Variants in PTPRD observed in about 807,000 individuals in gnomAD.
The protein encoded by PTPRD is protein tyrosine phosphatase receptor type D, also known as receptor-type tyrosine-protein phosphatase delta.
A neutral mutation model predicts 214.5 loss-of-function variants in PTPRD; 34 were observed. The ratio of observed to expected loss-of-function variants is 0.16; its 90% CI spans 0.12 to 0.21. PTPRD has a LOEUF of 0.21. Ranked by LOEUF, PTPRD falls within the 10% of genes least tolerant of loss-of-function variation. PTPRD has a pLI of 1.00. For missense variants in PTPRD, 2,545 were observed against 2,398.7 expected (o/e 1.06, Z -1.27); for synonymous variants, 1,128 against 845.7 (o/e 1.33, Z -5.79).
At chr9:9,165,348 T>G (rs1437069429) in intron 10 of PTPRD, among the ~76,000 whole-genome samples, 1 of 152,194 alleles carries the variant, frequency 6.6e-6, no homozygotes, top group Non-Finnish European at 1.5e-5. Context: ...AGAGTTTTTA[T>G]GTAAGGCATT....
chr9:10,523,007 A>T (rs2052883859), intron 2 of PTPRD, among the ~76,000 whole-genome samples: 2 of 152,156 alleles, frequency 1.3e-5, no homozygotes, highest in Non-Finnish European at 2.9e-5. Flanking sequence ...GTTTACAATC[A>T]ATTTTTTGAT....
chr9:8,684,437 C>A (rs1222012336), intron 12 of PTPRD, among the ~76,000 whole-genome samples: 1 of 151,878 alleles, frequency 6.6e-6, no homozygotes, highest in Non-Finnish European at 1.5e-5. Context: ...CCTCTGACTG[C>A]AAACCCCATG....
chr9:10,210,987 A>T (rs2099514561), intron 3 of PTPRD, among the ~76,000 whole-genome samples: 1 of 151,362 alleles, frequency 6.6e-6, no homozygotes, highest in African/African-American at 2.4e-5. Context: ...AAAAGGGTAC[A>T]CATTTTTGTG....
intron 7 of PTPRD, among the ~76,000 whole-genome samples, chr9:9,611,725 G>A (rs1678937529): frequency 6.6e-6 from 1 of 152,064 alleles, no homozygotes; most frequent in Non-Finnish European, 1.5e-5. Flanking sequence ...GATGACACAT[G>A]TATATTTATT....
intron 11 of PTPRD, among the ~76,000 whole-genome samples, chr9:8,824,810 T>A (rs549361162): frequency 2.0e-5 from 3 of 152,316 alleles, no homozygotes; most frequent in East Asian, 3.9e-4. Flanking sequence ...TTGCTGAAAT[T>A]GCAGAAATAA....
intron 10 of PTPRD, among the ~76,000 whole-genome samples, chr9:9,153,690 T>A (rs916333875): frequency 6.6e-6 from 1 of 152,184 alleles, no homozygotes; most frequent in Non-Finnish European, 1.5e-5. Flanking sequence ...TAATATGAAA[T>A]ATATTTGGTA....
chr9:8,467,128 C>A (rs780549315), intron 31 of PTPRD, among the ~76,000 whole-genome samples: 2 of 151,936 alleles, frequency 1.3e-5, no homozygotes. Context: ...TAATTTATAA[C>A]GTGCTAAAAT....
chr9:8,655,360 G>T (rs1164709807), intron 12 of PTPRD, among the ~76,000 whole-genome samples: 3 of 152,162 alleles, frequency 2.0e-5, no homozygotes, highest in African/African-American at 4.8e-5. Flanking sequence ...GATGTGTCTT[G>T]TTTTGTGGCC....
intron 2 of PTPRD, among the ~76,000 whole-genome samples, chr9:10,341,590 TGGTCA>T (rs964945447): frequency 6.6e-6 from 1 of 151,948 alleles, no homozygotes; most frequent in African/African-American, 2.4e-5. Context: ...TATTGTAGAA[TGGTCA>T]GTATGCAAAA....
intron 2 of PTPRD, among the ~76,000 whole-genome samples, chr9:10,346,870 G>T (rs2097093439): frequency 6.6e-6 from 1 of 152,162 alleles, no homozygotes; most frequent in Non-Finnish European, 1.5e-5. Flanking sequence ...TCATAGCTCT[G>T]AGTAATCTTA....
chr9:8,956,752 A>G (rs575942949), intron 11 of PTPRD, among the ~76,000 whole-genome samples: 6 of 151,958 alleles, frequency 3.9e-5, no homozygotes, highest in South Asian at 2.1e-4. Context: ...AAAAATCCCA[A>G]TAAAATATAC....
chr9:9,979,788 G>A (rs527733400), intron 4 of PTPRD, among the ~76,000 whole-genome samples: 2 of 152,160 alleles, frequency 1.3e-5, no homozygotes, highest in East Asian at 1.9e-4. Context: ...GTATTAAAGA[G>A]TATAGAATGA....
At chr9:9,848,472 C>T (rs2059949428) in intron 5 of PTPRD, among the ~76,000 whole-genome samples, 1 of 152,052 alleles carries the variant, frequency 6.6e-6, no homozygotes, top group African/African-American at 2.4e-5. Flanking sequence ...TAAGCATTTA[C>T]ATGGCTTATT....
intron 22 of PTPRD, 112 bp from the exon 23 acceptor site, chr9:8,504,517 A>G: frequency 8.2e-7 from 1 of 1,223,902 alleles, no homozygotes. Flanking sequence ...TCTCATCAAA[A>G]TATCACCAAA....
chr9:8,373,074 T>C (rs767110537), intron 39 of PTPRD, among the ~76,000 whole-genome samples: 5 of 152,072 alleles, frequency 3.3e-5, no homozygotes, highest in Non-Finnish European at 7.4e-5. Flanking sequence ...TGATTAACCG[T>C]GATCAGTATC....
At chr9:8,445,408 C>A (rs1251000374) in intron 34 of PTPRD, among the ~76,000 whole-genome samples, 1 of 152,220 alleles carries the variant, frequency 6.6e-6, no homozygotes, top group Non-Finnish European at 1.5e-5. Context: ...GAGGTGCCTG[C>A]TTTCAATTGT....
intron 9 of PTPRD, among the ~76,000 whole-genome samples, chr9:9,291,465 A>G (rs1951108178): frequency 6.6e-6 from 1 of 151,458 alleles, no homozygotes; most frequent in African/African-American, 2.4e-5. Context: ...CTTAACCTTT[A>G]GCTCTGAAAA....
chr9:9,501,077 G>A (rs149588362), intron 8 of PTPRD, among the ~76,000 whole-genome samples: 1 of 151,542 alleles, frequency 6.6e-6, no homozygotes, highest in Non-Finnish European at 1.5e-5. Flanking sequence ...CAATTCAGGA[G>A]AGGAAAAACA....
intron 2 of PTPRD, among the ~76,000 whole-genome samples, chr9:10,548,684 G>C (rs182414474): frequency 7.2e-5 from 11 of 152,238 alleles, no homozygotes; most frequent in Non-Finnish European, 1.0e-4. Context: ...TTTCTCACTA[G>C]TGATTTCCAG....
Sources: gnomAD v4.1 joint callset for allele counts (sites outside exome capture counted in the v4.1 genomes callset) on GRCh38, gnomAD v4.1.1 for gene constraint, MANE v1.5 for transcripts, NCBI Gene and HGNC (gene_info 2026-07-23, HGNC 2026-07-21) for gene names.